Variants in NLRP11 observed in about 807,000 individuals in gnomAD.
The protein encoded by NLRP11 is NLR family pyrin domain containing 11.
In NLRP11, 53 loss-of-function variants were observed where a neutral mutation model predicts 79.3. That is an observed-to-expected ratio of 0.67 (90% CI 0.54 to 0.84). NLRP11 has a LOEUF of 0.84. Among genes scored for constraint, NLRP11 ranks in the 40% least tolerant of loss-of-function variants. NLRP11 has a pLI of 0.00. For missense variants in NLRP11, 1,264 were observed against 1,255.0 expected (o/e 1.01, Z -0.11); for synonymous variants, 518 against 462.6 (o/e 1.12, Z -1.54).
At chr19:55,798,001 T>TAA (rs559385036) in intron 5 of NLRP11, among the ~76,000 whole-genome samples, 1 of 145,350 alleles carries the variant, frequency 6.9e-6, no homozygotes, top group South Asian at 2.1e-4. Context: ...TTATTATTAT[T>TAA]TTTTTTTTTT....
intron 9 of NLRP11, among the ~76,000 whole-genome samples, chr19:55,787,626 A>G (rs186696310): frequency 6.6e-6 from 1 of 152,316 alleles, no homozygotes; most frequent in East Asian, 1.9e-4. Flanking sequence ...CATGAACCAC[A>G]GCACCTGGCC....
At chr19:55,792,319 C>G (rs1242629361) in exon 7 of NLRP11, 3 of 1,613,946 alleles carry the variant, frequency 1.9e-6, no homozygotes, top group Non-Finnish European at 2.5e-6. Flanking sequence ...CTCTAACTGA[C>G]AGGTTGGAAA....
chr19:55,812,635 C>T (rs184252146), intron 2 of NLRP11, among the ~76,000 whole-genome samples: 13 of 152,150 alleles, frequency 8.5e-5, no homozygotes, highest in South Asian at 2.1e-4. Flanking sequence ...GCCTTGTGCA[C>T]GGTGTGTGGG....
Position 55,807,945 on chromosome 19 carries a change from C to T in NLRP11, c.1911G>A (p.Glu637=), listed in dbSNP as rs536580304. Reference sequence around the variant, plus strand: ...TAAGGTCATTGTCAAAGATATGCAGCTCCCGGAGGCTCTCCATTGTATAAA... The same window carrying T: ...TAAGGTCATTGTCAAAGATATGCAGTTCCCGGAGGCTCTCCATTGTATAAA... Residue 637 remains glutamate (E), a synonymous_variant, in exon 4 of 10, where the codon GAG becomes GAA. Coordinates refer to ENST00000589093, the Ensembl canonical transcript of NLRP11. The T allele has an allele frequency of 3.1e-5, 50 of 1,610,592 alleles. 1 individual carries two copies. The South Asian group carries it at 4.8e-4, about 16-fold the overall frequency.
At chr19:55,821,250 C>CACACACACCCA (rs1407880955) in intron 1 of NLRP11, among the ~76,000 whole-genome samples, 4 of 102,494 alleles carry the variant, frequency 3.9e-5, no homozygotes, top group African/African-American at 1.4e-4. Context: ...CACACACACA[C>CACACACACCCA]CCCAAGCACT....
In NLRP11 at chr19:55,823,395, G is replaced by C. The variant is rs544485440; in HGVS notation, c.-62-5159C>G. ...AGGAACGCAGTTCCTCCCCAGAAAC[G>C]GAACAAAGCTGGATGGAGAATGACT... On this transcript the variant is annotated intron_variant, in intron 1 of 9. Coordinates refer to ENST00000589093, the Ensembl canonical transcript of NLRP11. Among the ~76,000 whole-genome samples the C allele has an allele frequency of 1.4e-5, 2 of 138,262 alleles. 1 individual carries two copies. Among genetic ancestry groups the C allele is most frequent in the East Asian group, 4.5e-4 (2 of 4,456 alleles). The allele number at this position is 138,262 out of a possible 152,430, so 90.7% of individuals were successfully genotyped here. A position where few individuals can be genotyped will look rare whatever the true frequency, so the allele number is the denominator to read the frequency against.
rs532781383 is a variant in NLRP11, at chr19:55,793,247, T to G, written c.2343-776A>C. Among the ~76,000 whole-genome samples the G allele has an allele frequency of 3.9e-5, 6 of 152,106 alleles. No individual in the cohort carries two copies. In the East Asian group the frequency reaches 9.7e-4, roughly 25 times the overall value. ...ATACTGCACTGGCAGTGAGCTGCACTTTTTTCCTAAACAGGGAAGGGGTTA... is the reference window on the plus strand; with the variant it reads ...ATACTGCACTGGCAGTGAGCTGCACGTTTTTCCTAAACAGGGAAGGGGTTA... On this transcript the variant is annotated intron_variant, in intron 6 of 9. Transcript: ENST00000589093.
At chr19:55,790,160 G>A (rs887712482) in intron 7 of NLRP11, among the ~76,000 whole-genome samples, 1 of 152,084 alleles carries the variant, frequency 6.6e-6, no homozygotes, top group Non-Finnish European at 1.5e-5. Context: ...CTTAGAGATG[G>A]CCATACCCTA....
In NLRP11 at chr19:55,809,348, C is replaced by G; in HGVS notation, c.1262G>C (p.Gly421Ala). 6.2e-7 allele frequency: 1 copy of G among 1,614,072 alleles called. No homozygotes were observed. The highest frequency in any genetic ancestry group is 1.1e-5 in the South Asian group (1 of 91,080). ...CACAGAGACATCAGCCTCAGTAAAC[C>G]CAACACATCTGAGGTCTTCACCACT... The change falls in exon 3 of 10, where the codon GGG becomes GCG. Residue 421 changes from glycine to alanine, a missense_variant. Gly to Ala is a moderately conservative substitution (Grantham distance 60). Coordinates refer to ENST00000589093, the Ensembl canonical transcript of NLRP11. The surrounding 1 kb of genome is among the most constrained non-coding windows in gnomAD (Gnocchi z 4.5).
exon 7 of NLRP11, chr19:55,792,306 C>G: frequency 6.2e-7 from 1 of 1,613,694 alleles, no homozygotes; most frequent in East Asian, 2.2e-5. Context: ...CTTACTGAAG[C>G]TCCTCTAACT....
intron 1 of NLRP11, among the ~76,000 whole-genome samples, chr19:55,822,032 G>T (rs577859543): frequency 2.0e-5 from 3 of 152,336 alleles, no homozygotes; most frequent in African/African-American, 7.2e-5. Flanking sequence ...GCCGAGGTGG[G>T]TGGATCACCT....
intron 1 of NLRP11, among the ~76,000 whole-genome samples, chr19:55,822,249 G>A (rs1293119953): frequency 6.7e-6 from 1 of 148,318 alleles, no homozygotes; most frequent in Non-Finnish European, 1.5e-5. Flanking sequence ...GGGAAACAGA[G>A]CAAGACTCTG....
intron 1 of NLRP11, among the ~76,000 whole-genome samples, chr19:55,830,039 C>T (rs544129245): frequency 2.8e-4 from 43 of 152,306 alleles, no homozygotes; most frequent in African/African-American, 7.9e-4. Context: ...CCCCAAAATT[C>T]TCCAATATAT....
chr19:55,801,771 G>A (rs760926634), intron 4 of NLRP11, 32 bp from the exon 5 acceptor site: 2 of 1,595,626 alleles, frequency 1.3e-6, no homozygotes, highest in Admixed American at 1.7e-5. Context: ...GAAAGCACTA[G>A]TGAAGGTCTG....
chr19:55,790,586 C>G (rs1990176474), intron 7 of NLRP11, among the ~76,000 whole-genome samples: 1 of 152,224 alleles, frequency 6.6e-6, no homozygotes, highest in Non-Finnish European at 1.5e-5. Flanking sequence ...GTGCCTGACA[C>G]TTAACATATA....
intron 6 of NLRP11, among the ~76,000 whole-genome samples, chr19:55,792,715 G>C (rs979475062): frequency 6.6e-6 from 1 of 152,158 alleles, no homozygotes; most frequent in Non-Finnish European, 1.5e-5. Context: ...TTCTACTAAC[G>C]GAATAATCTT....
At chr19:55,801,528 A>G in intron 5 of NLRP11, 44 bp downstream of exon 5, 1 of 1,555,684 alleles carries the variant, frequency 6.4e-7, no homozygotes, top group Non-Finnish European at 8.9e-7. Context: ...ACACCCAGGC[A>G]TTCCCCTCAC....
chr19:55,836,551 A>AGGCGTGGAGCGGTGAGTC (rs1983303580), upstream of NLRP11: 1 of 152,256 alleles, frequency 6.6e-6, no homozygotes, highest in Non-Finnish European at 1.5e-5. Context: ...AGGACCAGGA[A>AGGCGTGGAGCGGTGAGTC]GGCGTGGAGC....
intron 2 of NLRP11, 34 bp downstream of exon 2, chr19:55,817,870 G>T (rs368813304): frequency 2.5e-5 from 37 of 1,505,814 alleles, no homozygotes; most frequent in Non-Finnish European, 3.3e-5. Context: ...GAAGTGCCCT[G>T]ATTTCTGCCC....
Sources: allele counts gnomAD v4.1 joint callset (sites outside exome capture counted in the v4.1 genomes callset), GRCh38; gene constraint gnomAD v4.1.1; non-coding constraint Gnocchi (gnomAD v3.1); transcripts MANE v1.5; gene names NCBI Gene and HGNC (gene_info 2026-07-23, HGNC 2026-07-21).